SVEP1: variants seen among roughly 807,000 people sequenced by gnomAD.
The protein encoded by SVEP1 is sushi, von Willebrand factor type A, EGF and pentraxin domain-containing protein 1.
SVEP1 carries 164 observed loss-of-function variants against 367.3 expected under a neutral mutation model. The ratio of observed to expected loss-of-function variants is 0.45; its 90% CI spans 0.39 to 0.51. The LOEUF is 0.51. SVEP1 is among the 20% of genes least tolerant of loss of function. The pLI is 0.00. For synonymous variants in SVEP1, 1,666 were observed against 1,611.6 expected, an observed-to-expected ratio of 1.03 and a Z score of -0.81; for missense variants, 4,117 against 4,425.3, an observed-to-expected ratio of 0.93 and a Z score of 1.98.
intron 32 of SVEP1, among the ~76,000 whole-genome samples, chr9:110,431,080 T>A (rs1405259651): frequency 6.6e-6 from 1 of 152,238 alleles, no homozygotes; most frequent in Non-Finnish European, 1.5e-5. Flanking sequence ...TCAAGGAGTT[T>A]AAACAAATTC....
At chr9:110,496,229 A>C (rs867981100) in intron 8 of SVEP1, among the ~76,000 whole-genome samples, 2 of 152,018 alleles carry the variant, frequency 1.3e-5, no homozygotes, top group Non-Finnish European at 2.9e-5. Context: ...GATACGAAGT[A>C]TTGTTCCTGG....
intron 38 of SVEP1, among the ~76,000 whole-genome samples, chr9:110,405,959 A>G (rs6477768): frequency 0.39 from 59,731 of 152,072 alleles, 12,337 homozygotes; most frequent in African/African-American, 0.53. Context: ...AACATGTCTG[A>G]AAAAAGTATC....
chr9:110,460,539 G>C (rs1395556727), intron 18 of SVEP1, among the ~76,000 whole-genome samples: 1 of 152,178 alleles, frequency 6.6e-6, no homozygotes, highest in Non-Finnish European at 1.5e-5. Flanking sequence ...AATCACTTGA[G>C]GTCAGGAGTT....
rs945183190 is a variant in SVEP1 at position 110,473,674 on chromosome 9, G to A, written c.2600-1351C>T. ...ATGTTTAGAATATCCTTGCACATACGGTATTTAATCAAATCTAAGATACCA... is the reference window on the plus strand; with the variant it reads ...ATGTTTAGAATATCCTTGCACATACAGTATTTAATCAAATCTAAGATACCA... On this transcript the variant is annotated intron_variant, in intron 14 of 47. Coordinates refer to ENST00000374469, the MANE Select transcript of SVEP1 (RefSeq NM_153366.4). Among the ~76,000 whole-genome samples, 8 of 151,928 alleles carry A rather than the reference G, an allele frequency of 5.3e-5. No individual in the cohort carries two copies. The East Asian group carries it at 7.7e-4, about 15-fold the overall frequency.
chr9:110,414,169 C>T (rs550867575), intron 36 of SVEP1, among the ~76,000 whole-genome samples: 86 of 152,156 alleles, frequency 5.7e-4, no homozygotes, highest in Admixed American at 1.4e-3. Context: ...ATTTGACCCA[C>T]CCATTAGCAA....
intron 1 of SVEP1, among the ~76,000 whole-genome samples, chr9:110,564,530 A>AT (rs1462193242): frequency 6.6e-6 from 1 of 152,266 alleles, no homozygotes. Flanking sequence ...TTGAAGAGAG[A>AT]TTTTTTAAGT....
Position 110,404,498 on chromosome 9 carries a change from T to C in SVEP1, c.9495A>G (p.Lys3165=), listed in dbSNP as rs201059482. The change falls in exon 39 of 48, where the codon AAA becomes AAG. Residue 3165 remains lysine (K), a synonymous_variant. Transcript: ENST00000374469. ...DTDTDTFTCQ[K]DGRWFPERIS... ...TTCTCTCAGGGAACCAGCGACCATC[T>C]TTCTGACAGGTGAATGTATCTGTAT... 1.2e-6 allele frequency: 2 copies of C among 1,614,034 alleles called. No individual in the cohort carries two copies. Among genetic ancestry groups the C allele is most frequent in the Non-Finnish European group, 1.7e-6 (2 of 1,179,892 alleles).
rs78803118 is a variant in SVEP1 at position 110,503,917 on chromosome 9, A to G, written c.1304-700T>C. On this transcript the variant is annotated intron_variant, in intron 5 of 47. Transcript: ENST00000374469. ...CTCACCAGTTTTATTAAGCATAGTA[A>G]TATGCCCAGCTAAAAGATTACAACT... Among the ~76,000 whole-genome samples the G allele has an allele frequency of 7.9e-3, 1,196 of 152,334 alleles. 20 individuals carry two copies. The highest frequency in any genetic ancestry group is 0.027 in the African/African-American group (1,110 of 41,566).
intron 39 of SVEP1, among the ~76,000 whole-genome samples, chr9:110,402,105 T>C (rs1443045652): frequency 2.0e-5 from 3 of 152,104 alleles, no homozygotes; most frequent in African/African-American, 7.2e-5. Flanking sequence ...AAAAGCTACA[T>C]ATTATTGTTT....
intron 43 of SVEP1, among the ~76,000 whole-genome samples, chr9:110,383,144 C>CTTTTTGAGT (rs1353619919): frequency 2.0e-5 from 3 of 152,172 alleles, no homozygotes; most frequent in Non-Finnish European, 4.4e-5. Flanking sequence ...GGAACTCTGG[C>CTTTTTGAGT]TTTTTGAGTT....
chr9:110,369,280 T>G (rs1471938297), intron 47 of SVEP1, among the ~76,000 whole-genome samples: 1 of 152,190 alleles, frequency 6.6e-6, no homozygotes, highest in Non-Finnish European at 1.5e-5. Context: ...TGTGATAGTA[T>G]TTTTAAACTG....
chr9:110,426,638 T>C (rs1177996555), intron 36 of SVEP1, among the ~76,000 whole-genome samples: 1 of 152,102 alleles, frequency 6.6e-6, no homozygotes, highest in African/African-American at 2.4e-5. Context: ...TGAGGATGCA[T>C]AGAGAAAAAA....
intron 3 of SVEP1, among the ~76,000 whole-genome samples, chr9:110,523,799 A>T (rs1407992859): frequency 6.6e-6 from 1 of 152,100 alleles, no homozygotes; most frequent in Non-Finnish European, 1.5e-5. Context: ...AGAAGCTTGA[A>T]AAAGAAGAGC....
In SVEP1 at chr9:110,465,583, A is replaced by G. The variant is rs549743045; in HGVS notation, c.3322+282T>C. 5.9e-5 allele frequency among the ~76,000 whole-genome samples: 9 copies of G among 152,322 alleles called. No homozygotes were observed. The East Asian group carries it at 1.7e-3, about 29-fold the overall frequency. On this transcript the variant is annotated intron_variant, in intron 18 of 47. Transcript: ENST00000374469. ...CCTAGTTTAGATATATTTCTACCAT[A>G]TCACGAAGCCACATGTTTATTACTG...
At chr9:110,476,360 G>C in intron 13 of SVEP1, 45 bp from the exon 14 acceptor site, 1 of 1,421,092 alleles carries the variant, frequency 7.0e-7, no homozygotes, top group Non-Finnish European at 9.9e-7. Flanking sequence ...TCACTTTTCT[G>C]CATGCCTTGG....
Position 110,513,937 on chromosome 9 carries a change from G to A in SVEP1, c.1123+11C>T. 6.2e-7 allele frequency: 1 copy of A among 1,607,340 alleles called. No individual in the cohort carries two copies. The highest frequency in any genetic ancestry group is 1.3e-5 in the African/African-American group (1 of 74,908). ...TTTATATTTCCCATTTTCCAACAGT[G>A]GGAGACTCACGTTCACAGGTCTGGC... On this transcript the variant is annotated intron_variant, in intron 4 of 47. Coordinates refer to ENST00000374469, the MANE Select transcript of SVEP1 (RefSeq NM_153366.4).
intron 47 of SVEP1, among the ~76,000 whole-genome samples, chr9:110,366,975 A>G (rs141248514): frequency 6.6e-6 from 1 of 152,332 alleles, no homozygotes; most frequent in African/African-American, 2.4e-5. Flanking sequence ...TTTCCTTCTG[A>G]ACAACTGAAT....
intron 13 of SVEP1, among the ~76,000 whole-genome samples, chr9:110,476,863 C>T (rs1360301912): frequency 2.0e-5 from 3 of 152,172 alleles, no homozygotes; most frequent in African/African-American, 7.2e-5. Flanking sequence ...TCTCACTCTT[C>T]GTTGCTGTTT....
At chr9:110,376,262 C>T (rs1369306083) in intron 45 of SVEP1, among the ~76,000 whole-genome samples, 6 of 151,952 alleles carry the variant, frequency 3.9e-5, no homozygotes, top group Non-Finnish European at 5.9e-5. Flanking sequence ...CAGGCACATG[C>T]TCAGTGAGCC....
Sources: allele counts gnomAD v4.1 joint callset (sites outside exome capture counted in the v4.1 genomes callset), GRCh38; gene constraint gnomAD v4.1.1; transcripts MANE v1.5; gene names NCBI Gene and HGNC (gene_info 2026-07-23, HGNC 2026-07-21).